SYT9: variants seen among roughly 807,000 people sequenced by gnomAD.
SYT9 encodes the protein synaptotagmin-9.
A neutral mutation model predicts 48.4 loss-of-function variants in SYT9; 22 were observed. The observed-to-expected ratio is 0.45, with a 90% CI of 0.32 to 0.65. The LOEUF (loss-of-function observed/expected upper bound fraction) is 0.65, where lower values mean the gene tolerates loss of function less well. Among genes scored for constraint, SYT9 ranks in the 30% least tolerant of loss-of-function variants. The pLI, the probability that SYT9 is intolerant of heterozygous loss-of-function variation, is 0.03. For missense variants in SYT9, 577 were observed against 622.0 expected, an observed-to-expected ratio of 0.93 and a Z score of 0.77; for synonymous variants, 265 against 245.0, an observed-to-expected ratio of 1.08 and a Z score of -0.76.
chr11:7,377,203 G>T (rs1391352266), intron 3 of SYT9, among the ~76,000 whole-genome samples: 1 of 151,434 alleles, frequency 6.6e-6, no homozygotes, highest in East Asian at 1.9e-4. Flanking sequence ...TCTATGCCAG[G>T]CACTGTTCTA....
At chr11:7,271,638 A>T (rs551605707) in intron 1 of SYT9, among the ~76,000 whole-genome samples, 2 of 152,180 alleles carry the variant, frequency 1.3e-5, no homozygotes, top group East Asian at 3.9e-4. Context: ...GTGCAGTGGC[A>T]CTATCTCCGC....
chr11:7,430,796 G>A (rs1349044459), intron 6 of SYT9, among the ~76,000 whole-genome samples: 1 of 152,120 alleles, frequency 6.6e-6, no homozygotes, highest in Non-Finnish European at 1.5e-5. Context: ...TCTGCCATGA[G>A]TAAAAACTTC....
At chr11:7,276,613 A>C (rs1209867338) in intron 1 of SYT9, among the ~76,000 whole-genome samples, 1 of 152,164 alleles carries the variant, frequency 6.6e-6, no homozygotes, top group Non-Finnish European at 1.5e-5. Flanking sequence ...CTGTCCCCTC[A>C]GCCTAAAATG....
chr11:7,375,797 G>C (rs1850441947), intron 3 of SYT9, among the ~76,000 whole-genome samples: 1 of 152,040 alleles, frequency 6.6e-6, no homozygotes, highest in East Asian at 1.9e-4. Flanking sequence ...TTTCTTATCA[G>C]CTTAAGGAGT....
intron 3 of SYT9, among the ~76,000 whole-genome samples, chr11:7,314,900 TGAGTCTG>T (rs2133955221): frequency 1.3e-5 from 2 of 152,300 alleles, no homozygotes; most frequent in South Asian, 4.1e-4. Context: ...TGATTCAGCT[TGAGTCTG>T]GAGCCTATTT....
At chr11:7,375,900 C>T (rs889512053) in intron 3 of SYT9, among the ~76,000 whole-genome samples, 1 of 152,020 alleles carries the variant, frequency 6.6e-6, no homozygotes, top group Non-Finnish European at 1.5e-5. Flanking sequence ...ACCACTTCCC[C>T]CTAGATATTC....
intron 3 of SYT9, among the ~76,000 whole-genome samples, chr11:7,338,775 C>T (rs1175186340): frequency 4.0e-5 from 6 of 151,762 alleles, no homozygotes; most frequent in South Asian, 2.1e-4. Context: ...ATCGTGTGCT[C>T]GATTTGAGTA....
intron 6 of SYT9, among the ~76,000 whole-genome samples, chr11:7,444,006 T>C (rs540076952): frequency 6.6e-6 from 1 of 152,338 alleles, no homozygotes; most frequent in African/African-American, 2.4e-5. Context: ...ATTTGGCCTA[T>C]TGGCTACAAA....
chr11:7,323,477 A>G (rs1180114310), intron 3 of SYT9, among the ~76,000 whole-genome samples: 1 of 151,430 alleles, frequency 6.6e-6, no homozygotes, highest in Non-Finnish European at 1.5e-5. Flanking sequence ...TGCTTGTTTT[A>G]TTACATTTAT....
At chr11:7,437,350 T>C (rs1847730355) in intron 6 of SYT9, among the ~76,000 whole-genome samples, 1 of 152,188 alleles carries the variant, frequency 6.6e-6, no homozygotes, top group Non-Finnish European at 1.5e-5. Context: ...AGTCATGACA[T>C]GGACATAGAT....
chr11:7,261,490 C>T (rs1376375938), intron 1 of SYT9, among the ~76,000 whole-genome samples: 1 of 151,820 alleles, frequency 6.6e-6, no homozygotes, highest in Non-Finnish European at 1.5e-5. Flanking sequence ...GGGAATGAAA[C>T]AGAAAATTAA....
intron 3 of SYT9, among the ~76,000 whole-genome samples, chr11:7,400,023 A>G (rs905202303): frequency 6.6e-6 from 1 of 151,514 alleles, no homozygotes; most frequent in African/African-American, 2.4e-5. Context: ...TTCATCAAAA[A>G]TAATGTTTAT....
intron 6 of SYT9, among the ~76,000 whole-genome samples, chr11:7,434,715 G>A (rs1252365768): frequency 1.3e-5 from 2 of 152,154 alleles, no homozygotes; most frequent in African/African-American, 4.8e-5. Context: ...TTGAAGGCAT[G>A]ATGTTGTCAA....
chr11:7,418,637 C>T (rs1847295205), intron 5 of SYT9, among the ~76,000 whole-genome samples: 1 of 152,178 alleles, frequency 6.6e-6, no homozygotes, highest in Non-Finnish European at 1.5e-5. Flanking sequence ...AAAACAAACA[C>T]AGAAATGTTC....
chr11:7,373,459 C>G (rs1850399203), intron 3 of SYT9, among the ~76,000 whole-genome samples: 1 of 152,092 alleles, frequency 6.6e-6, no homozygotes, highest in Non-Finnish European at 1.5e-5. Context: ...CTGGAGGTTC[C>G]TAAGGCTCCC....
chr11:7,297,897 A>G (rs1026354145), intron 1 of SYT9, among the ~76,000 whole-genome samples: 13 of 152,138 alleles, frequency 8.5e-5, no homozygotes, highest in African/African-American at 2.9e-4. Flanking sequence ...TGATGCCACT[A>G]TGGTTCTAAT....
chr11:7,361,092 A>T (rs996249375), intron 3 of SYT9, among the ~76,000 whole-genome samples: 2 of 152,102 alleles, frequency 1.3e-5, no homozygotes, highest in East Asian at 3.9e-4. Context: ...GATTCTTTTT[A>T]TCAAGGAAAT....
chr11:7,416,862 T>A (rs1202311829), intron 4 of SYT9, among the ~76,000 whole-genome samples: 1 of 152,200 alleles, frequency 6.6e-6, no homozygotes, highest in Non-Finnish European at 1.5e-5. Flanking sequence ...ATAAAGCTTA[T>A]CTAATTGGGT....
At chr11:7,382,597 T>C in intron 3 of SYT9, among the ~76,000 whole-genome samples, 1 of 152,188 alleles carries the variant, frequency 6.6e-6, no homozygotes, top group Middle Eastern at 3.2e-3. Flanking sequence ...GGAAGAGATA[T>C]AAATGTTGGA....
Sources: gnomAD v4.1 joint callset for allele counts (sites outside exome capture counted in the v4.1 genomes callset) on GRCh38, gnomAD v4.1.1 for gene constraint, MANE v1.5 for transcripts, NCBI Gene and HGNC (gene_info 2026-07-23, HGNC 2026-07-21) for gene names.